Variants in TM6SF1 observed in about 807,000 individuals in gnomAD.
TM6SF1 encodes the protein transmembrane 6 superfamily member 1.
A neutral mutation model predicts 47.1 loss-of-function variants in TM6SF1; 43 were observed. The ratio of observed to expected loss-of-function variants is 0.91; its 90% CI spans 0.72 to 1.18. The LOEUF (loss-of-function observed/expected upper bound fraction) is 1.18, where lower values mean the gene tolerates loss of function less well. Among genes scored for constraint, TM6SF1 ranks in the 50% most tolerant of loss-of-function variants. TM6SF1 has a pLI of 0.00. For synonymous variants in TM6SF1, 177 were observed against 166.3 expected, an observed-to-expected ratio of 1.06 and a Z score of -0.49; for missense variants, 390 against 449.0, an observed-to-expected ratio of 0.87 and a Z score of 1.19.
intron 7 of TM6SF1, 152 bp downstream of exon 7, chr15:83,124,928 G>C: frequency 1.5e-6 from 1 of 647,836 alleles, no homozygotes; most frequent in Non-Finnish European, 2.6e-6. Context: ...CCCTGGACCT[G>C]CTTCCTGCTG....
chr15:83,112,545 A>T (rs528905415), intron 1 of TM6SF1, among the ~76,000 whole-genome samples: 1 of 151,372 alleles, frequency 6.6e-6, no homozygotes, highest in Admixed American at 6.5e-5. Flanking sequence ...ATCTGTGCAC[A>T]TGAGACAGGA....
At chr15:83,112,164 A>G (rs771643265) in intron 1 of TM6SF1, among the ~76,000 whole-genome samples, 2 of 151,908 alleles carry the variant, frequency 1.3e-5, no homozygotes, top group East Asian at 1.9e-4. Flanking sequence ...CTTGGTTTCT[A>G]TGGTTTGGGG....
rs765253028 is a variant in TM6SF1, at chr15:83,122,889, T to C, written c.603+11T>C. The C allele has an allele frequency of 8.7e-6, 14 of 1,613,804 alleles. No individual in the cohort carries two copies. In the Admixed American group the frequency reaches 2.3e-4, roughly 27 times the overall value. On this transcript the variant is annotated intron_variant, in intron 6 of 9. Transcript: ENST00000322019. ...AATTACCCCTCAAAGGTGATTTTAT[T>C]AAGCTTTGATGTACCCTGTTCTCAA...
intron 3 of TM6SF1, among the ~76,000 whole-genome samples, chr15:83,119,257 T>C (rs1394317133): frequency 1.3e-5 from 2 of 152,232 alleles, no homozygotes; most frequent in East Asian, 3.9e-4. Context: ...AAGATTTGGC[T>C]TGGTCTCCAT....
chr15:83,108,657 T>C (rs1326322648), intron 1 of TM6SF1, among the ~76,000 whole-genome samples: 2 of 152,354 alleles, frequency 1.3e-5, no homozygotes, highest in Non-Finnish European at 2.9e-5. Flanking sequence ...CCTGCTGATG[T>C]TGGTTGCTGT....
chr15:83,117,827 G>T (rs2034812226), intron 3 of TM6SF1, among the ~76,000 whole-genome samples: 3 of 152,130 alleles, frequency 2.0e-5, no homozygotes, highest in Non-Finnish European at 4.4e-5. Context: ...TATCTGGCAG[G>T]AGGAGTGTCA....
chr15:83,124,313 A>G (rs532410723), intron 6 of TM6SF1, among the ~76,000 whole-genome samples: 1 of 152,188 alleles, frequency 6.6e-6, no homozygotes. Context: ...GTATGTAACT[A>G]TATCTATTTA....
intron 6 of TM6SF1, 41 bp downstream of exon 6, chr15:83,122,919 A>T (rs117955529): frequency 0.018 from 28,517 of 1,608,118 alleles, 321 homozygotes; most frequent in Non-Finnish European, 0.021. Flanking sequence ...TCTCAAACTC[A>T]TAGGGTTCTT....
At chr15:83,119,234 G>A (rs550965327) in intron 3 of TM6SF1, among the ~76,000 whole-genome samples, 5 of 152,210 alleles carry the variant, frequency 3.3e-5, no homozygotes, top group Admixed American at 1.3e-4. Context: ...TCACTGCCAA[G>A]CACCTTGTGT....
In TM6SF1 at chr15:83,123,030, G is replaced by T. The variant is rs772693840; in HGVS notation, c.603+152G>T. 5 of 852,674 alleles carry T rather than the reference G, an allele frequency of 5.9e-6. No homozygotes were observed. In the East Asian group the frequency reaches 1.3e-4, roughly 23 times the overall value. 52.8% of individuals were successfully genotyped at this position (852,674 alleles called of 1,614,324 possible). A position where few individuals can be genotyped will look rare whatever the true frequency, so the allele number is the denominator to read the frequency against. The stretch of plus-strand genomic sequence containing the variant: ...TTTTGATTATGTAGCATTAGCTTAC[G>T]TATTAATTAATGTAGGCAAGAAGGT... On this transcript the variant is annotated intron_variant, in intron 6 of 9. Coordinates refer to ENST00000322019, the MANE Select transcript of TM6SF1 (RefSeq NM_023003.5).
At position 83,107,912 on chromosome 15, in the gene TM6SF1, G is replaced by A. The variant is rs2033809608; in HGVS notation, c.92+140G>A. 2.3e-6 allele frequency: 3 copies of A among 1,310,082 alleles called. No homozygotes were observed. Among genetic ancestry groups the A allele is most frequent in the Non-Finnish European group, 2.9e-6 (3 of 1,029,762 alleles). 81.2% of individuals were successfully genotyped at this position (1,310,082 alleles called of 1,614,324 possible). A position where few individuals can be genotyped will look rare whatever the true frequency, so the allele number is the denominator to read the frequency against. On this transcript the variant is annotated intron_variant, in intron 1 of 9. Transcript: ENST00000322019. This position sits in a 1 kb window ranked among gnomAD's most constrained non-coding sequence, Gnocchi z 5.6. ...GTTCGTGGCCGCAGGGGCTCCCCGCGCCTGGCCAGACTAGGGGGGCGCCCC... is the reference window on the plus strand; with the variant it reads ...GTTCGTGGCCGCAGGGGCTCCCCGCACCTGGCCAGACTAGGGGGGCGCCCC...
intron 1 of TM6SF1, among the ~76,000 whole-genome samples, chr15:83,110,035 C>T (rs1286373082): frequency 6.6e-6 from 1 of 152,218 alleles, no homozygotes; most frequent in East Asian, 1.9e-4. Context: ...CTGTACTGTC[C>T]TGCCCAGGCC....
intron 9 of TM6SF1, chr15:83,135,954 C>G (rs58288774): frequency 6.6e-6 from 1 of 152,174 alleles, no homozygotes; most frequent in Non-Finnish European, 1.5e-5. Flanking sequence ...TGAGCTCTTG[C>G]TGCAAGGAGT....
intron 9 of TM6SF1, chr15:83,135,009 C>T (rs1207114669): frequency 6.6e-6 from 1 of 152,146 alleles, no homozygotes; most frequent in African/African-American, 2.4e-5. Flanking sequence ...TGGGCATCTA[C>T]CCAGGGGAGT....
At chr15:83,112,941 A>G in intron 2 of TM6SF1, 41 bp downstream of exon 2, 1 of 1,457,484 alleles carries the variant, frequency 6.9e-7, no homozygotes, top group Non-Finnish European at 9.6e-7. Context: ...TCTGATTAAT[A>G]ACACAATACT....
At chr15:83,127,750 G>A in intron 9 of TM6SF1, 1 of 346,148 alleles carries the variant, frequency 2.9e-6, no homozygotes, top group Non-Finnish European at 5.4e-6. Flanking sequence ...TACACACCCA[G>A]CATGTGGCAT....
At chr15:83,115,980 A>G in intron 3 of TM6SF1, 38 bp downstream of exon 3, 1 of 1,484,084 alleles carries the variant, frequency 6.7e-7, no homozygotes, top group Non-Finnish European at 9.4e-7. Context: ...TTTCAACCAA[A>G]AGGCCACAAC....
intron 9 of TM6SF1, chr15:83,128,540 A>G (rs966313997): frequency 1.3e-5 from 2 of 152,154 alleles, no homozygotes; most frequent in Non-Finnish European, 2.9e-5. Flanking sequence ...TTAGGTCTTT[A>G]TCTTTGTATC....
chr15:83,129,917 T>C (rs2036097642), intron 9 of TM6SF1: 1 of 152,334 alleles, frequency 6.6e-6, no homozygotes, highest in Non-Finnish European at 1.5e-5. Context: ...TCAGAACAGA[T>C]GGCCGCATAC....
Sources: allele counts gnomAD v4.1 joint callset (sites outside exome capture counted in the v4.1 genomes callset), GRCh38; gene constraint gnomAD v4.1.1; non-coding constraint Gnocchi (gnomAD v3.1); transcripts MANE v1.5; gene names NCBI Gene and HGNC (gene_info 2026-07-23, HGNC 2026-07-21).